Variants in RAB7A observed in about 807,000 individuals in gnomAD.
RAB7A encodes ras-related protein Rab-7a.
RAB7A carries 2 observed loss-of-function variants against 24.5 expected under a neutral mutation model. The ratio of observed to expected loss-of-function variants is 0.08; its 90% CI spans 0.03 to 0.26. The LOEUF (loss-of-function observed/expected upper bound fraction) is 0.26, where lower values mean the gene tolerates loss of function less well. Ranked by LOEUF, RAB7A falls within the 10% of genes least tolerant of loss-of-function variation. RAB7A has a pLI of 1.00. For missense variants in RAB7A, 118 were observed against 255.7 expected, an observed-to-expected ratio of 0.46 and a Z score of 3.67; for synonymous variants, 100 against 95.9, an observed-to-expected ratio of 1.04 and a Z score of -0.25.
intron 1 of RAB7A, among the ~76,000 whole-genome samples, chr3:128,768,742 T>C (rs76011068): frequency 6.8e-6 from 1 of 147,528 alleles, no homozygotes; most frequent in Admixed American, 6.8e-5. Flanking sequence ...TTTTTTTTTT[T>C]GGTAGAGACA....
At chr3:128,735,092 A>G (rs749502488) in intron 1 of RAB7A, among the ~76,000 whole-genome samples, 89 of 152,294 alleles carry the variant, frequency 5.8e-4, no homozygotes, top group Non-Finnish European at 7.3e-4. Flanking sequence ...CTTCTCTACT[A>G]TAAGAAAACA....
chr3:128,754,834 A>G (rs2070716340), intron 1 of RAB7A, among the ~76,000 whole-genome samples: 1 of 152,228 alleles, frequency 6.6e-6, no homozygotes, highest in African/African-American at 2.4e-5. Context: ...AAAAGGTTTA[A>G]TACGGCAAAA....
intron 1 of RAB7A, among the ~76,000 whole-genome samples, chr3:128,781,156 G>C (rs1476795295): frequency 6.6e-6 from 1 of 152,206 alleles, no homozygotes; most frequent in African/African-American, 2.4e-5. Flanking sequence ...CATGGATACA[G>C]CAAAAATCTT....
At chr3:128,795,505 T>A in intron 2 of RAB7A, 85 bp downstream of exon 2, 1 of 1,292,870 alleles carries the variant, frequency 7.7e-7, no homozygotes, top group South Asian at 1.2e-5. Context: ...GTGCTGCCAC[T>A]TCTTGCTTTC....
intron 3 of RAB7A, among the ~76,000 whole-genome samples, chr3:128,804,061 C>G (rs562995037): frequency 6.6e-6 from 1 of 152,332 alleles, no homozygotes; most frequent in Non-Finnish European, 1.5e-5. Flanking sequence ...ACAAAAAACC[C>G]CGAGAAACTG....
chr3:128,747,719 G>A (rs923613245), intron 1 of RAB7A, among the ~76,000 whole-genome samples: 4 of 151,680 alleles, frequency 2.6e-5, no homozygotes, highest in Non-Finnish European at 2.9e-5. Context: ...TGTGTGGTGG[G>A]TCTTTGGGCC....
intron 1 of RAB7A, among the ~76,000 whole-genome samples, chr3:128,758,347 A>G (rs1247685694): frequency 1.4e-5 from 2 of 144,760 alleles, no homozygotes. Flanking sequence ...ATCTCGGCTC[A>G]CTGCAAGCTC....
chr3:128,758,917 C>A (rs2070754562), intron 1 of RAB7A, among the ~76,000 whole-genome samples: 2 of 152,134 alleles, frequency 1.3e-5, no homozygotes, highest in African/African-American at 2.4e-5. Flanking sequence ...GAAACAAAAT[C>A]CCTGGCTCAG....
chr3:128,807,020 C>T (rs921467204), intron 4 of RAB7A, among the ~76,000 whole-genome samples: 2 of 152,220 alleles, frequency 1.3e-5, no homozygotes, highest in African/African-American at 4.8e-5. Context: ...TGATTAATTA[C>T]AACTAGGTTT....
chr3:128,802,276 T>G (rs1029224560), intron 3 of RAB7A, among the ~76,000 whole-genome samples: 2 of 152,056 alleles, frequency 1.3e-5, no homozygotes, highest in East Asian at 3.9e-4. Flanking sequence ...TAAAGTTCTC[T>G]ATACTGTTCA....
At chr3:128,752,539 GTC>G (rs1457461297) in intron 1 of RAB7A, among the ~76,000 whole-genome samples, 1 of 152,016 alleles carries the variant, frequency 6.6e-6, no homozygotes, top group African/African-American at 2.4e-5. Context: ...CATAATTGTG[GTC>G]TCTGTTTGTC....
Position 128,806,519 on chromosome 3 carries a change from G to A in RAB7A, c.328G>A (p.Ala110Thr), listed in dbSNP as rs1933806096. 6.2e-7 allele frequency: 1 copy of A among 1,613,954 alleles called. No homozygotes were observed. The highest frequency in any genetic ancestry group is 8.5e-7 in the Non-Finnish European group (1 of 1,180,008). Reference sequence around the variant, plus strand: ...CTGGAGAGATGAGTTTCTCATCCAGGCCAGTCCCCGAGATCCTGAAAACTT... The same window carrying A: ...CTGGAGAGATGAGTTTCTCATCCAGACCAGTCCCCGAGATCCTGAAAACTT... ...DSWRDEFLIQ[A>T]SPRDPENFPF... Residue 110 changes from alanine (A) to threonine (T), a missense_variant, in exon 4 of 6, where the codon GCC becomes ACC. Ala to Thr is a moderately conservative substitution (Grantham distance 58). Transcript: ENST00000265062.
At chr3:128,785,013 C>T (rs1055010327) in intron 1 of RAB7A, 1 of 151,152 alleles carries the variant, frequency 6.6e-6, no homozygotes, top group Non-Finnish European at 1.5e-5. Context: ...TGATGCAATC[C>T]CAGCTCACTG....
At chr3:128,757,377 T>A (rs2070738914) in intron 1 of RAB7A, among the ~76,000 whole-genome samples, 1 of 152,148 alleles carries the variant, frequency 6.6e-6, no homozygotes, top group Admixed American at 6.5e-5. Context: ...CCACTGATGG[T>A]GCAGGAGAGG....
chr3:128,727,408 T>G (rs778363615), intron 1 of RAB7A, among the ~76,000 whole-genome samples: 5 of 152,250 alleles, frequency 3.3e-5, no homozygotes, highest in Admixed American at 2.0e-4. Flanking sequence ...GGTTTATCTT[T>G]TGCTACCTGG....
chr3:128,733,316 G>A lies in RAB7A; in HGVS notation c.-9+6957G>A, dbSNP rs553415410. ...GGAATCATACACTGTGTATTCTTGC[G>A]TATCTGGTTTCTTTGACTCAGTGTT... On this transcript the variant is annotated intron_variant, in intron 1 of 5. Transcript: ENST00000265062. Among the ~76,000 whole-genome samples, 28 of 152,268 alleles carry A rather than the reference G, an allele frequency of 1.8e-4. 2 individuals are homozygous for A. The highest frequency in any genetic ancestry group is 1.5e-3 in the South Asian group (7 of 4,820).
chr3:128,740,809 G>T (rs1455117103), intron 1 of RAB7A, among the ~76,000 whole-genome samples: 1 of 150,492 alleles, frequency 6.6e-6, no homozygotes, highest in Non-Finnish European at 1.5e-5. Context: ...AGATTCAGGG[G>T]AGGATCACTT....
chr3:128,795,427 T>A lies in RAB7A; in HGVS notation c.53+7T>A. ...TCATCCTGGGAGATTCTGGGTAAGT[T>A]ACTCATGAATTTGAGCTAACAGATT... On this transcript the variant is annotated splice_region_variant and intron_variant, in intron 2 of 5. Coordinates refer to ENST00000265062, the MANE Select transcript of RAB7A (RefSeq NM_004637.6). The A allele has an allele frequency of 6.2e-7, 1 of 1,610,452 alleles. No individual in the cohort carries two copies. The highest frequency in any genetic ancestry group is 8.5e-7 in the Non-Finnish European group (1 of 1,176,652).
intron 1 of RAB7A, among the ~76,000 whole-genome samples, chr3:128,765,269 C>T (rs1000258989): frequency 1.3e-5 from 2 of 152,136 alleles, no homozygotes; most frequent in Non-Finnish European, 2.9e-5. Context: ...GTCCAGTACC[C>T]TCGCCTTTTC....
Sources: allele counts gnomAD v4.1 joint callset (sites outside exome capture counted in the v4.1 genomes callset), GRCh38; gene constraint gnomAD v4.1.1; transcripts MANE v1.5; gene names NCBI Gene and HGNC (gene_info 2026-07-23, HGNC 2026-07-21).